The following EPHA5 variants were observed in gnomAD, a reference collection of about 807,000 sequenced individuals.
EPHA5 encodes ephrin type-A receptor 5.
EPHA5 carries 60 observed loss-of-function variants against 105.0 expected under a neutral mutation model. The ratio of observed to expected loss-of-function variants is 0.57; its 90% confidence interval spans 0.46 to 0.71. EPHA5 has a LOEUF of 0.71. Ranked by LOEUF, EPHA5 falls within the 30% of genes least tolerant of loss-of-function variation. The probability of loss-of-function intolerance (pLI) is 0.00; values close to 1 mark genes in which losing one functional copy is unlikely to be tolerated. For missense variants in EPHA5, 1,218 were observed against 1,274.7 expected, an observed-to-expected ratio of 0.96 and a Z score of 0.68; for synonymous variants, 513 against 449.1, an observed-to-expected ratio of 1.14 and a Z score of -1.80.
intron 3 of EPHA5, among the ~76,000 whole-genome samples, chr4:65,577,102 G>T (rs1029282771): frequency 2.0e-5 from 3 of 152,152 alleles, no homozygotes; most frequent in African/African-American, 7.2e-5. Flanking sequence ...AGTTAGCTAA[G>T]AATCATTTTT....
intron 5 of EPHA5, among the ~76,000 whole-genome samples, chr4:65,445,208 G>A (rs1047811255): frequency 2.0e-5 from 3 of 151,878 alleles, no homozygotes; most frequent in Non-Finnish European, 4.4e-5. Flanking sequence ...ATTTAGTGTT[G>A]GGGTTCATGA....
chr4:65,494,918 C>A (rs2149223592), intron 4 of EPHA5, among the ~76,000 whole-genome samples: 1 of 151,468 alleles, frequency 6.6e-6, no homozygotes, highest in South Asian at 2.1e-4. Flanking sequence ...GCTCCATCAG[C>A]TACATAATTA....
chr4:65,540,634 C>T (rs1480396294), intron 3 of EPHA5, among the ~76,000 whole-genome samples: 2 of 151,298 alleles, frequency 1.3e-5, no homozygotes, highest in East Asian at 1.9e-4. Context: ...TCGTATTACA[C>T]CACTAATCAA....
chr4:65,389,759 G>A (rs1484853262), intron 8 of EPHA5, among the ~76,000 whole-genome samples: 1 of 152,010 alleles, frequency 6.6e-6, no homozygotes, highest in Non-Finnish European at 1.5e-5. Flanking sequence ...AGGTAGGCAA[G>A]AGGTACTTGT....
rs377669401 is a variant in EPHA5, at chr4:65,547,985, GAAGA to G, written c.911-52446_911-52443del. ...GAATCAAAAGAAAACATTTTCTGTA[GAAGA>G]AAATACTCCTTTACATCAAATAATG... On this transcript the variant is annotated intron_variant, in intron 3 of 16. Transcript: ENST00000613740. Among the ~76,000 whole-genome samples, 556 of 151,728 alleles carry G rather than the reference GAAGA, an allele frequency of 3.7e-3. 2 individuals are homozygous for G. Among genetic ancestry groups the G allele is most frequent in the African/African-American group, 0.012 (507 of 41,388 alleles).
chr4:65,598,818 A>G (rs976398856), intron 3 of EPHA5, among the ~76,000 whole-genome samples: 1 of 152,130 alleles, frequency 6.6e-6, no homozygotes, highest in African/African-American at 2.4e-5. Flanking sequence ...AACTGAAAAA[A>G]GTTAGCTTGG....
chr4:65,651,796 T>C (rs1379788553), intron 1 of EPHA5, among the ~76,000 whole-genome samples: 1 of 152,180 alleles, frequency 6.6e-6, no homozygotes, highest in Non-Finnish European at 1.5e-5. Context: ...GTATACCAAG[T>C]GTTTTGAATT....
At chr4:65,342,878 G>A (rs1395114502) in intron 14 of EPHA5, among the ~76,000 whole-genome samples, 1 of 151,560 alleles carries the variant, frequency 6.6e-6, no homozygotes, top group African/African-American at 2.4e-5. Context: ...GAGTCAAATA[G>A]TCTTTCTGCT....
chr4:65,491,152 G>T (rs1159177933), intron 4 of EPHA5, among the ~76,000 whole-genome samples: 1 of 150,530 alleles, frequency 6.6e-6, no homozygotes, highest in Non-Finnish European at 1.5e-5. Context: ...AGAATTTTCA[G>T]CGTAGCTCCT....
At chr4:65,334,325 T>C (rs908459917) in intron 15 of EPHA5, among the ~76,000 whole-genome samples, 3 of 151,958 alleles carry the variant, frequency 2.0e-5, no homozygotes, top group African/African-American at 7.2e-5. Context: ...TAGGCATGAA[T>C]TGTGAGAAAG....
At chr4:65,505,257 C>A (rs1311398122) in intron 3 of EPHA5, among the ~76,000 whole-genome samples, 1 of 152,000 alleles carries the variant, frequency 6.6e-6, no homozygotes, top group East Asian at 1.9e-4. Flanking sequence ...ACTTTTATTT[C>A]TTCTACTTCA....
chr4:65,465,535 AGGAAAG>A (rs1560567612), intron 5 of EPHA5, among the ~76,000 whole-genome samples: 1,427 of 70,828 alleles, frequency 0.02, 34 homozygotes, highest in Admixed American at 0.047. Context: ...AAGAAAAGAA[AGGAAAG>A]GAAGGAAAGG....
chr4:65,332,365 T>A (rs1010550667), intron 15 of EPHA5, among the ~76,000 whole-genome samples: 1 of 151,812 alleles, frequency 6.6e-6, no homozygotes, highest in African/African-American at 2.4e-5. Context: ...GACTTACTAA[T>A]AAGTAAATTT....
chr4:65,481,466 T>C (rs941675073), intron 5 of EPHA5, among the ~76,000 whole-genome samples: 6 of 152,244 alleles, frequency 3.9e-5, no homozygotes, highest in African/African-American at 1.4e-4. Context: ...GAGTCCTTCT[T>C]GCTAGCAGAT....
chr4:65,659,109 C>T (rs982102437), intron 1 of EPHA5, among the ~76,000 whole-genome samples: 2 of 151,726 alleles, frequency 1.3e-5, no homozygotes, highest in Non-Finnish European at 2.9e-5. Context: ...AAAAGTAGTG[C>T]TGCCCAAAAT....
At chr4:65,343,737 T>C (rs918037970) in intron 14 of EPHA5, among the ~76,000 whole-genome samples, 10 of 152,164 alleles carry the variant, frequency 6.6e-5, no homozygotes, top group Non-Finnish European at 1.3e-4. Context: ...AAAGTAACAA[T>C]GCATGCATTG....
intron 2 of EPHA5, among the ~76,000 whole-genome samples, chr4:65,627,093 C>T (rs1388789866): frequency 6.6e-6 from 1 of 152,144 alleles, no homozygotes; most frequent in African/African-American, 2.4e-5. Context: ...ACAAAATTTC[C>T]ACACATGTAT....
At chr4:65,611,728 A>G (rs1403396068) in intron 2 of EPHA5, among the ~76,000 whole-genome samples, 1 of 152,096 alleles carries the variant, frequency 6.6e-6, no homozygotes, top group African/African-American at 2.4e-5. Context: ...TATATCTCAC[A>G]TTAATGATGT....
chr4:65,488,542 A>G (rs1731097263), intron 5 of EPHA5, among the ~76,000 whole-genome samples: 1 of 152,204 alleles, frequency 6.6e-6, no homozygotes, highest in Admixed American at 6.5e-5. Context: ...AAGTCAACAC[A>G]TGCTAGCATT....
Sources: gnomAD v4.1 joint callset for allele counts (sites outside exome capture counted in the v4.1 genomes callset) on GRCh38, gnomAD v4.1.1 for gene constraint, MANE v1.5 for transcripts, NCBI Gene and HGNC (gene_info 2026-07-23, HGNC 2026-07-21) for gene names.